The following MGAT4C variants were observed in gnomAD, a reference collection of about 807,000 sequenced individuals.
MGAT4C encodes MGAT4 family member C, also known as alpha-1,3-mannosyl-glycoprotein 4-beta-N-acetylglucosaminyltransferase C.
MGAT4C carries 19 observed loss-of-function variants against 40.1 expected under a neutral mutation model. The ratio of observed to expected loss-of-function variants is 0.47; its 90% CI spans 0.33 to 0.70. The LOEUF (loss-of-function observed/expected upper bound fraction) is 0.70, where lower values mean the gene tolerates loss of function less well. MGAT4C is among the 30% of genes least tolerant of loss of function. MGAT4C has a pLI of 0.02. For synonymous variants in MGAT4C, 181 were observed against 187.1 expected (o/e 0.97, Z 0.27); for missense variants, 491 against 563.2 (o/e 0.87, Z 1.30).
chr12:86,522,675 C>A (rs1338132627), intron 2 of MGAT4C, among the ~76,000 whole-genome samples: 1 of 152,050 alleles, frequency 6.6e-6, no homozygotes, highest in Non-Finnish European at 1.5e-5. Context: ...AGGAACGGTA[C>A]CAGCTCCTCT....
At chr12:86,455,567 G>C (rs1957495783) in intron 2 of MGAT4C, among the ~76,000 whole-genome samples, 1 of 152,048 alleles carries the variant, frequency 6.6e-6, no homozygotes, top group Non-Finnish European at 1.5e-5. Context: ...ATAATTCTCT[G>C]CAACTAAAAC....
intron 1 of MGAT4C, among the ~76,000 whole-genome samples, chr12:86,255,575 C>T (rs1175235813): frequency 6.6e-6 from 1 of 151,998 alleles, no homozygotes; most frequent in Non-Finnish European, 1.5e-5. Flanking sequence ...TTTTATTATG[C>T]ACCAAAAAGC....
chr12:86,540,309 A>C (rs1959151074), intron 2 of MGAT4C, among the ~76,000 whole-genome samples: 1 of 152,208 alleles, frequency 6.6e-6, no homozygotes, highest in African/African-American at 2.4e-5. Flanking sequence ...TGAGAGACTG[A>C]GGATTCCCAA....
Position 85,999,613 on chromosome 12 carries a change from A to G in MGAT4C, c.-6-10061T>C, listed in dbSNP as rs905652816. On this transcript the variant is annotated intron_variant, in intron 2 of 4. Transcript: ENST00000611864. Reference sequence around the variant, plus strand: ...TATATATATATATATATATATACATACACAATGGAATACTATTTAGCCATA... The same window carrying G: ...TATATATATATATATATATATACATGCACAATGGAATACTATTTAGCCATA... 3.6e-4 allele frequency among the ~76,000 whole-genome samples: 54 copies of G among 151,302 alleles called. 3 individuals carry two copies. Among genetic ancestry groups the G allele is most frequent in the Admixed American group, 3.4e-3 (52 of 15,174 alleles).
rs146467336 is a variant in MGAT4C, at chr12:85,969,544, A to T, written c.*9745T>A. ...GTGGTTCAGTGGAATTACAGAAGCA[A>T]GTGTTTTAGATGTTCAAGTTTAAAA... is the stretch of plus-strand genomic sequence containing the variant. On this transcript the variant is annotated 3_prime_UTR_variant, in exon 5 of 5. Coordinates refer to ENST00000611864, the MANE Select transcript of MGAT4C (RefSeq NM_001351288.2). The T allele has an allele frequency of 6.6e-6, 1 of 151,610 alleles. No homozygotes were observed. The highest frequency in any genetic ancestry group is 2.4e-5 in the African/African-American group (1 of 41,392). 9.4% of individuals were successfully genotyped at this position (151,610 alleles called of 1,614,324 possible). A position where few individuals can be genotyped will look rare whatever the true frequency, so the allele number is the denominator to read the frequency against.
intron 1 of MGAT4C, among the ~76,000 whole-genome samples, chr12:86,058,829 G>A (rs1047025874): frequency 2.0e-5 from 3 of 151,866 alleles, no homozygotes; most frequent in African/African-American, 4.8e-5. Flanking sequence ...ATGTAAAAAT[G>A]TCTTGTTTTT....
chr12:86,069,734 G>A (rs1894891263), intron 1 of MGAT4C, among the ~76,000 whole-genome samples: 2 of 151,960 alleles, frequency 1.3e-5, no homozygotes, highest in South Asian at 4.1e-4. Context: ...GTTACTACTA[G>A]CATCTTGGTC....
chr12:86,030,105 T>C (rs777905039), intron 2 of MGAT4C, among the ~76,000 whole-genome samples: 1 of 151,670 alleles, frequency 6.6e-6, no homozygotes, highest in Non-Finnish European at 1.5e-5. Flanking sequence ...GAGATGGCAA[T>C]AGGTGTGGGT....
chr12:86,027,781 G>A (rs755684336), intron 2 of MGAT4C, among the ~76,000 whole-genome samples: 1 of 151,778 alleles, frequency 6.6e-6, no homozygotes, highest in Non-Finnish European at 1.5e-5. Context: ...CCTCATTATA[G>A]CTTTTACTAT....
intron 2 of MGAT4C, among the ~76,000 whole-genome samples, chr12:86,527,714 T>C (rs1425499510): frequency 6.6e-6 from 1 of 152,214 alleles, no homozygotes; most frequent in African/African-American, 2.4e-5. Flanking sequence ...CTTCCACTTC[T>C]TTTGTTGGAT....
Position 85,958,971 on chromosome 12 carries a change from A to G in MGAT4C, c.*20318T>C, listed in dbSNP as rs1882965716. 1 of 152,012 alleles carries G rather than the reference A, an allele frequency of 6.6e-6. No homozygotes were observed. The highest frequency in any genetic ancestry group is 2.1e-4 in the South Asian group (1 of 4,822). 9.4% of individuals were successfully genotyped at this position (152,012 alleles called of 1,614,324 possible). On this transcript the variant is annotated 3_prime_UTR_variant, in exon 5 of 5. Coordinates refer to ENST00000611864, the MANE Select transcript of MGAT4C (RefSeq NM_001351288.2). ...TAAAAAAAATACAAGTGCATAGGGC[A>G]GAGGAGGCGATTCAGTTACTTCTGC...
chr12:86,467,288 C>A (rs1957695470), intron 2 of MGAT4C, among the ~76,000 whole-genome samples: 1 of 151,920 alleles, frequency 6.6e-6, no homozygotes, highest in Admixed American at 6.6e-5. Flanking sequence ...GCATTCTGGA[C>A]CCAGAGAAAG....
intron 2 of MGAT4C, among the ~76,000 whole-genome samples, chr12:86,641,844 T>C (rs1377671926): frequency 2.6e-5 from 4 of 151,914 alleles, no homozygotes; most frequent in Non-Finnish European, 5.9e-5. Context: ...ACTAAAGATA[T>C]ATCATTAAGT....
rs545748419 is a variant in MGAT4C, at chr12:86,648,172, A to T, written c.-229+79037T>A. Reference sequence around the variant, plus strand: ...TCAATTATTTGTATTATATTAAAAGATGTAAATTTAGTCTAGAAACATAAA... The same window carrying T: ...TCAATTATTTGTATTATATTAAAAGTTGTAAATTTAGTCTAGAAACATAAA... On this transcript the variant is annotated intron_variant, in intron 2 of 7. Coordinates refer to the MGAT4C transcript ENST00000548651. 2.0e-5 allele frequency among the ~76,000 whole-genome samples: 3 copies of T among 151,928 alleles called. No homozygotes were observed. In the South Asian group the frequency reaches 6.2e-4, roughly 31 times the overall value.
chr12:86,140,916 A>G (rs900788213), intron 1 of MGAT4C, among the ~76,000 whole-genome samples: 5 of 152,192 alleles, frequency 3.3e-5, no homozygotes, highest in African/African-American at 4.8e-5. Context: ...TTTTACTTTG[A>G]ATACCCCCAA....
At chr12:86,031,145 CT>C (rs1046212812) in intron 2 of MGAT4C, among the ~76,000 whole-genome samples, 1 of 151,330 alleles carries the variant, frequency 6.6e-6, no homozygotes, top group African/African-American at 2.4e-5. Context: ...ATGTAGTCAA[CT>C]TGGGTTTCAA....
intron 2 of MGAT4C, among the ~76,000 whole-genome samples, chr12:86,712,050 G>A (rs1162406543): frequency 2.0e-5 from 3 of 151,964 alleles, no homozygotes; most frequent in Non-Finnish European, 4.4e-5. Flanking sequence ...ATAAGTACCT[G>A]CATATACAAT....
chr12:86,245,869 G>A (rs1952003122), intron 1 of MGAT4C, among the ~76,000 whole-genome samples: 1 of 152,054 alleles, frequency 6.6e-6, no homozygotes. Flanking sequence ...AATTTCTTGA[G>A]AATAAATCTA....
rs6144795 is a variant in MGAT4C at position 86,774,281 on chromosome 12, CTCTTTCTTTCTT to C, written c.-261-47052_-261-47041del. Among the ~76,000 whole-genome samples, 320 of 58,952 alleles carry C rather than the reference CTCTTTCTTTCTT, an allele frequency of 5.4e-3. 14 individuals are homozygous for C. In the East Asian group the frequency reaches 0.08, roughly 15 times the overall value. 38.7% of individuals were successfully genotyped at this position (58,952 alleles called of 152,430 possible). A position where few individuals can be genotyped will look rare whatever the true frequency, so the allele number is the denominator to read the frequency against. On this transcript the variant is annotated intron_variant, in intron 1 of 7. Coordinates refer to the MGAT4C transcript ENST00000548651. Reference sequence around the variant, plus strand: ...CTTAAAAAGTAACTTCTAAGGCTTGCTCTTTCTTTCTTTCTTTCTTTCTTTCTTTCTTTCTTT... The same window carrying C: ...CTTAAAAAGTAACTTCTAAGGCTTGCTCTTTCTTTCTTTCTTTCTTTCTTT...
Sources: allele counts gnomAD v4.1 joint callset (sites outside exome capture counted in the v4.1 genomes callset), GRCh38; gene constraint gnomAD v4.1.1; transcripts MANE v1.5; gene names NCBI Gene and HGNC (gene_info 2026-07-23, HGNC 2026-07-21).